Variants in WWOX observed in about 807,000 individuals in gnomAD.
The protein encoded by WWOX is WW domain-containing oxidoreductase.
WWOX carries 69 observed loss-of-function variants against 46.2 expected under a neutral mutation model. That is an observed-to-expected ratio of 1.49 (90% CI 1.23 to 1.82). The LOEUF (loss-of-function observed/expected upper bound fraction) is 1.82, where lower values mean the gene tolerates loss of function less well. Among genes scored for constraint, WWOX ranks in the 40% most tolerant of loss-of-function variants. The probability of loss-of-function intolerance (pLI) is 0.00; values close to 1 mark genes in which losing one functional copy is unlikely to be tolerated. For missense variants in WWOX, 919 were observed against 542.6 expected (o/e 1.69, Z -6.89); for synonymous variants, 359 against 202.6 (o/e 1.77, Z -6.56).
At chr16:79,123,403 G>T (rs757518399) in intron 8 of WWOX, among the ~76,000 whole-genome samples, 1 of 152,094 alleles carries the variant, frequency 6.6e-6, no homozygotes, top group East Asian at 1.9e-4. Context: ...CCAGGTTTTC[G>T]GGAGTGGAAA....
chr16:79,033,792 T>G (rs2047812938), intron 8 of WWOX, among the ~76,000 whole-genome samples: 1 of 152,218 alleles, frequency 6.6e-6, no homozygotes, highest in Non-Finnish European at 1.5e-5. Flanking sequence ...TCTTGGTACC[T>G]CATATAAGTG....
At chr16:78,629,836 CTAATT>C (rs1289387582) in intron 8 of WWOX, among the ~76,000 whole-genome samples, 1 of 152,106 alleles carries the variant, frequency 6.6e-6, no homozygotes, top group Non-Finnish European at 1.5e-5. Context: ...ATAGAAAAAA[CTAATT>C]TAGAAATAGA....
chr16:79,207,272 T>A (rs1163813226), intron 8 of WWOX, among the ~76,000 whole-genome samples: 1 of 152,246 alleles, frequency 6.6e-6, no homozygotes, highest in African/African-American at 2.4e-5. Context: ...AAGTATTTGC[T>A]TTGTCCAACA....
At chr16:78,694,433 G>A (rs74476315) in intron 8 of WWOX, among the ~76,000 whole-genome samples, 1 of 152,112 alleles carries the variant, frequency 6.6e-6, no homozygotes, top group South Asian at 2.1e-4. Context: ...TGTCAAGGCA[G>A]AAGCAGCCTC....
chr16:78,626,538 A>G (rs1284063442), intron 8 of WWOX, among the ~76,000 whole-genome samples: 1 of 152,154 alleles, frequency 6.6e-6, no homozygotes, highest in Non-Finnish European at 1.5e-5. Context: ...CGTATCAAGC[A>G]TTCCACCTTC....
intron 8 of WWOX, among the ~76,000 whole-genome samples, chr16:78,798,598 T>G (rs1319891820): frequency 6.6e-6 from 1 of 151,716 alleles, no homozygotes; most frequent in Admixed American, 6.6e-5. Context: ...TGGGTTTTTT[T>G]TTTTTTTTTA....
chr16:78,842,816 C>T (rs979714024), intron 8 of WWOX, among the ~76,000 whole-genome samples: 5 of 133,216 alleles, frequency 3.8e-5, no homozygotes, highest in African/African-American at 1.2e-4. Context: ...CACGCCACTG[C>T]ACACCAGCCG....
intron 8 of WWOX, among the ~76,000 whole-genome samples, chr16:78,944,868 G>A (rs2045919778): frequency 6.6e-6 from 1 of 152,044 alleles, no homozygotes; most frequent in South Asian, 2.1e-4. Context: ...ACACAGAAGG[G>A]AGATTCTAAT....
chr16:78,423,521 T>G (rs905634493), intron 6 of WWOX, among the ~76,000 whole-genome samples: 16 of 152,188 alleles, frequency 1.1e-4, no homozygotes, highest in African/African-American at 3.9e-4. Flanking sequence ...AATTACTTTC[T>G]GAGAATTTAG....
At chr16:78,601,967 G>A (rs1476408170) in intron 8 of WWOX, among the ~76,000 whole-genome samples, 1 of 152,174 alleles carries the variant, frequency 6.6e-6, no homozygotes, top group Non-Finnish European at 1.5e-5. Flanking sequence ...ATAGTGCAGT[G>A]TCTGTCTAAC....
chr16:78,446,424 C>G (rs142854358), intron 8 of WWOX, among the ~76,000 whole-genome samples: 2 of 152,082 alleles, frequency 1.3e-5, no homozygotes, highest in Non-Finnish European at 2.9e-5. Context: ...CTGCCTCAGG[C>G]GGTTGTTGCA....
At chr16:79,160,323 T>A (rs2050460502) in intron 8 of WWOX, among the ~76,000 whole-genome samples, 1 of 152,156 alleles carries the variant, frequency 6.6e-6, no homozygotes, top group Non-Finnish European at 1.5e-5. Context: ...TGCAACACAG[T>A]GGGTGTGGCA....
intron 8 of WWOX, among the ~76,000 whole-genome samples, chr16:78,484,963 C>G (rs530407844): frequency 6.6e-6 from 1 of 152,014 alleles, no homozygotes; most frequent in Non-Finnish European, 1.5e-5. Context: ...TGGCAAGGCA[C>G]GCTCTGCTCT....
intron 8 of WWOX, among the ~76,000 whole-genome samples, chr16:78,586,148 G>A (rs538737623): frequency 2.0e-4 from 30 of 152,010 alleles, no homozygotes; most frequent in Admixed American, 1.2e-3. Flanking sequence ...TTTGAGCCCC[G>A]GAGTTCAAGA....
intron 8 of WWOX, among the ~76,000 whole-genome samples, chr16:78,680,245 C>A: frequency 6.6e-6 from 1 of 151,932 alleles, no homozygotes; most frequent in East Asian, 1.9e-4. Flanking sequence ...CCCGTCTCTG[C>A]AGAAAATACA....
chr16:78,719,262 C>G (rs763497848), intron 8 of WWOX, among the ~76,000 whole-genome samples: 1 of 152,086 alleles, frequency 6.6e-6, no homozygotes, highest in Non-Finnish European at 1.5e-5. Context: ...CCACACAAAA[C>G]GGGTGACCAT....
At chr16:78,890,911 T>G (rs1324749132) in intron 8 of WWOX, 1 of 152,188 alleles carries the variant, frequency 6.6e-6, no homozygotes, top group Non-Finnish European at 1.5e-5. Flanking sequence ...TGAATCAATC[T>G]CCTTTCATCA....
intron 6 of WWOX, among the ~76,000 whole-genome samples, chr16:78,394,666 A>G (rs1267029376): frequency 1.3e-5 from 2 of 152,244 alleles, no homozygotes; most frequent in Non-Finnish European, 1.5e-5. Flanking sequence ...TTTTCAGACT[A>G]TTAAGATCTC....
chr16:78,814,498 C>T (rs1017185420), intron 8 of WWOX, among the ~76,000 whole-genome samples: 3 of 151,686 alleles, frequency 2.0e-5, no homozygotes, highest in African/African-American at 7.3e-5. Flanking sequence ...TGAACCTCTA[C>T]TTTAGAATGT....
Sources: gnomAD v4.1 joint callset for allele counts (sites outside exome capture counted in the v4.1 genomes callset) on GRCh38, gnomAD v4.1.1 for gene constraint, MANE v1.5 for transcripts, NCBI Gene and HGNC (gene_info 2026-07-23, HGNC 2026-07-21) for gene names.